Variants in DAB1 observed in about 807,000 individuals in gnomAD.
DAB1 encodes disabled homolog 1.
DAB1 carries 15 observed loss-of-function variants against 64.6 expected under a neutral mutation model. That is an observed-to-expected ratio of 0.23 (90% CI 0.16 to 0.36). DAB1 has a LOEUF of 0.36. DAB1 is among the 10% of genes least tolerant of loss of function. The pLI is 1.00. For missense variants in DAB1, 596 were observed against 706.7 expected, an observed-to-expected ratio of 0.84 and a Z score of 1.78; for synonymous variants, 235 against 251.9, an observed-to-expected ratio of 0.93 and a Z score of 0.64.
chr1:57,472,821 C>T (rs1397231482), intron 7 of DAB1, among the ~76,000 whole-genome samples: 1 of 152,172 alleles, frequency 6.6e-6, no homozygotes, highest in African/African-American at 2.4e-5. Flanking sequence ...TGCTACAAAA[C>T]AATACTCTAC....
intron 7 of DAB1, among the ~76,000 whole-genome samples, chr1:57,586,903 A>C (rs1645387792): frequency 6.6e-6 from 1 of 152,120 alleles, no homozygotes; most frequent in Non-Finnish European, 1.5e-5. Flanking sequence ...ATCTTTTTCA[A>C]CTTTGCTATC....
At chr1:57,149,830 A>C (rs1659492494) in intron 2 of DAB1, among the ~76,000 whole-genome samples, 1 of 152,116 alleles carries the variant, frequency 6.6e-6, no homozygotes, top group South Asian at 2.1e-4. Flanking sequence ...CTTATGGATA[A>C]ACTGGCAGAC....
intron 2 of DAB1, among the ~76,000 whole-genome samples, chr1:57,194,311 T>C (rs116730854): frequency 7.0e-4 from 106 of 152,324 alleles, no homozygotes; most frequent in Non-Finnish European, 1.3e-3. Context: ...GGGACAAGTC[T>C]GTCTGTCTTT....
chr1:58,365,746 G>C (rs1644210557), intron 3 of DAB1, among the ~76,000 whole-genome samples: 1 of 152,116 alleles, frequency 6.6e-6, no homozygotes, highest in Non-Finnish European at 1.5e-5. Flanking sequence ...TAAGCACCAA[G>C]GGCACAAAAT....
intron 1 of DAB1, among the ~76,000 whole-genome samples, chr1:57,413,468 G>A (rs577603096): frequency 1.7e-4 from 26 of 152,024 alleles, no homozygotes; most frequent in East Asian, 1.2e-3. Context: ...GTGGCCCAGC[G>A]CGGTGGCTCA....
intron 4 of DAB1, among the ~76,000 whole-genome samples, chr1:57,105,384 G>T (rs1033424493): frequency 6.7e-6 from 1 of 149,276 alleles, no homozygotes; most frequent in Non-Finnish European, 1.5e-5. Context: ...CCCAGTGTGT[G>T]GTGTGTGTGT....
intron 2 of DAB1, among the ~76,000 whole-genome samples, chr1:57,183,267 G>A (rs1663173308): frequency 6.6e-6 from 1 of 152,176 alleles, no homozygotes; most frequent in Non-Finnish European, 1.5e-5. Context: ...CCTCAGGTTG[G>A]AGACCATATC....
At chr1:57,400,592 C>T (rs546247350) in intron 1 of DAB1, among the ~76,000 whole-genome samples, 34 of 148,316 alleles carry the variant, frequency 2.3e-4, no homozygotes, top group Middle Eastern at 7.0e-3. Flanking sequence ...AAGTATTTTT[C>T]ACATTGTTTC....
At chr1:58,151,920 C>G (rs758604123) in intron 4 of DAB1, among the ~76,000 whole-genome samples, 4 of 152,074 alleles carry the variant, frequency 2.6e-5, no homozygotes, top group Non-Finnish European at 4.4e-5. Context: ...ACTTCTTGAG[C>G]CAGGTTCTGA....
chr1:57,193,561 T>C (rs1349833698), intron 2 of DAB1, among the ~76,000 whole-genome samples: 1 of 151,912 alleles, frequency 6.6e-6, no homozygotes, highest in Non-Finnish European at 1.5e-5. Flanking sequence ...TAATTTTTTG[T>C]ACTTTTAGTA....
chr1:58,132,640 CTTG>C, intron 5 of DAB1, among the ~76,000 whole-genome samples: 1 of 152,312 alleles, frequency 6.6e-6, no homozygotes. Flanking sequence ...CATCTCACTT[CTTG>C]TTTTCTCCCT....
intron 5 of DAB1, among the ~76,000 whole-genome samples, chr1:57,920,255 C>A (rs574337534): frequency 8.5e-5 from 13 of 152,276 alleles, no homozygotes; most frequent in African/African-American, 3.1e-4. Context: ...TGTTTGAGTA[C>A]CTCCAGGAAC....
chr1:57,461,457 C>T (rs1686776562), intron 7 of DAB1, among the ~76,000 whole-genome samples: 1 of 152,072 alleles, frequency 6.6e-6, no homozygotes, highest in Admixed American at 6.5e-5. Context: ...GGCATTACAC[C>T]CCTCCTCCCT....
intron 4 of DAB1, among the ~76,000 whole-genome samples, chr1:58,294,772 G>A (rs1023247333): frequency 6.6e-6 from 1 of 152,084 alleles, no homozygotes; most frequent in African/African-American, 2.4e-5. Context: ...CACATAGGCA[G>A]AAGCACATCT....
At chr1:57,450,213 A>T (rs1686298916) in intron 7 of DAB1, among the ~76,000 whole-genome samples, 1 of 152,234 alleles carries the variant, frequency 6.6e-6, no homozygotes, top group Admixed American at 6.5e-5. Context: ...GCTTAAATTC[A>T]CACTAAAGTG....
chr1:58,146,390 A>C (rs1319456051), intron 5 of DAB1, among the ~76,000 whole-genome samples: 1 of 152,148 alleles, frequency 6.6e-6, no homozygotes, highest in Non-Finnish European at 1.5e-5. Context: ...CTCATAGTAA[A>C]TTTCTTATAT....
At chr1:57,857,902 G>A (rs1266039587) in intron 1 of DAB1, among the ~76,000 whole-genome samples, 2 of 148,700 alleles carry the variant, frequency 1.3e-5, no homozygotes, top group Non-Finnish European at 3.0e-5. Flanking sequence ...GAAGTAATCT[G>A]GTCCAAGGTT....
At chr1:58,108,140 G>A (rs1490366009) in intron 5 of DAB1, among the ~76,000 whole-genome samples, 1 of 152,150 alleles carries the variant, frequency 6.6e-6, no homozygotes, top group African/African-American at 2.4e-5. Context: ...GCCCTGGCGG[G>A]ATTTTCAGCA....
chr1:57,368,303 AG>A (rs1680228263), intron 1 of DAB1, among the ~76,000 whole-genome samples: 1 of 152,170 alleles, frequency 6.6e-6, no homozygotes, highest in South Asian at 2.1e-4. Flanking sequence ...CCTGGGCAAA[AG>A]GGGGCAGGTC....
Sources: gnomAD v4.1 joint callset for allele counts (sites outside exome capture counted in the v4.1 genomes callset) on GRCh38, gnomAD v4.1.1 for gene constraint, MANE v1.5 for transcripts, NCBI Gene and HGNC (gene_info 2026-07-23, HGNC 2026-07-21) for gene names.